Variants in RBFOX1 observed in about 807,000 individuals in gnomAD.
RBFOX1 encodes the protein RNA binding protein fox-1 homolog 1.
Under a neutral mutation model 57.7 loss-of-function variants are expected in RBFOX1, and 8 were observed. The ratio of observed to expected loss-of-function variants is 0.14; its 90% CI spans 0.08 to 0.25. RBFOX1 has a LOEUF of 0.25. RBFOX1 is among the 10% of genes least tolerant of loss of function. RBFOX1 has a pLI of 1.00. For synonymous variants in RBFOX1, 326 were observed against 222.4 expected (o/e 1.47, Z -4.15); for missense variants, 611 against 548.5 (o/e 1.11, Z -1.14).
chr16:7,049,002 T>C (rs1277625570), intron 3 of RBFOX1, among the ~76,000 whole-genome samples: 1 of 152,196 alleles, frequency 6.6e-6, no homozygotes, highest in Non-Finnish European at 1.5e-5. Flanking sequence ...CAGTAGTCTA[T>C]TCCTTAGTTC....
intron 1 of RBFOX1, among the ~76,000 whole-genome samples, chr16:5,394,943 A>G (rs766527162): frequency 3.9e-5 from 6 of 152,026 alleles, no homozygotes; most frequent in Non-Finnish European, 8.8e-5. Flanking sequence ...TCCAGCCGGC[A>G]TGATTCTCCT....
At chr16:6,523,581 G>A (rs1159144058) in intron 2 of RBFOX1, among the ~76,000 whole-genome samples, 1 of 152,150 alleles carries the variant, frequency 6.6e-6, no homozygotes, top group South Asian at 2.1e-4. Flanking sequence ...CTTTCAGTCT[G>A]TATTATGAGT....
chr16:5,905,091 G>A (rs1179712654), intron 4 of RBFOX1, among the ~76,000 whole-genome samples: 145 of 101,450 alleles, frequency 1.4e-3, no homozygotes, highest in African/African-American at 5.4e-3. Context: ...TTTTGAGACA[G>A]AGTTTTGCTC....
intron 14 of RBFOX1, among the ~76,000 whole-genome samples, chr16:7,693,647 C>T (rs1006551387): frequency 3.3e-5 from 5 of 152,010 alleles, no homozygotes; most frequent in Non-Finnish European, 7.4e-5. Context: ...GAAAATCTTA[C>T]AGTATAATCA....
chr16:6,887,389 A>G (rs1320267231), intron 3 of RBFOX1, among the ~76,000 whole-genome samples: 1 of 152,034 alleles, frequency 6.6e-6, no homozygotes, highest in Non-Finnish European at 1.5e-5. Context: ...GTTCATTGTG[A>G]TTTCAAGAAG....
chr16:6,199,761 A>T (rs1022485340), intron 1 of RBFOX1, among the ~76,000 whole-genome samples: 1 of 152,198 alleles, frequency 6.6e-6, no homozygotes, highest in African/African-American at 2.4e-5. Context: ...CTTTATAGAC[A>T]GGGGCTCACA....
At chr16:7,052,875 T>C (rs1201116854) in intron 4 of RBFOX1, among the ~76,000 whole-genome samples, 2 of 152,204 alleles carry the variant, frequency 1.3e-5, no homozygotes, top group Non-Finnish European at 2.9e-5. Flanking sequence ...GGTGTATTTT[T>C]CATGTCACTA....
chr16:7,611,958 A>G lies in RBFOX1; in HGVS notation c.676+4620A>G, dbSNP rs72774979. Among the ~76,000 whole-genome samples the G allele has an allele frequency of 5.1e-3, 777 of 152,318 alleles. 3 individuals are homozygous for G. Among genetic ancestry groups the G allele is most frequent in the South Asian group, 0.01 (49 of 4,818 alleles). On this transcript the variant is annotated intron_variant, in intron 10 of 15. Coordinates refer to ENST00000550418, the MANE Select transcript of RBFOX1 (RefSeq NM_018723.4). ...TCCCAGGAGAGATGGGTAGTTTTCT[A>G]TAAAGCAAAAACAGCATTGATAATT... is the stretch of plus-strand genomic sequence containing the variant.
chr16:6,730,401 G>T (rs565169859), intron 3 of RBFOX1, among the ~76,000 whole-genome samples: 237 of 152,040 alleles, frequency 1.6e-3, no homozygotes, highest in African/African-American at 5.4e-3. Context: ...TATCATCTGT[G>T]CATCTGTCAT....
chr16:6,449,969 A>G (rs541882973), intron 2 of RBFOX1, among the ~76,000 whole-genome samples: 3 of 152,364 alleles, frequency 2.0e-5, no homozygotes, highest in South Asian at 2.1e-4. Flanking sequence ...AGCTGTGTGC[A>G]TGGAGTGGAT....
At chr16:7,131,074 G>C (rs1226964537) in intron 4 of RBFOX1, among the ~76,000 whole-genome samples, 1 of 152,154 alleles carries the variant, frequency 6.6e-6, no homozygotes, top group Non-Finnish European at 1.5e-5. Flanking sequence ...GCCGGGCATG[G>C]TGGATCATGC....
At chr16:6,890,370 T>G (rs2065117221) in intron 3 of RBFOX1, among the ~76,000 whole-genome samples, 2 of 151,986 alleles carry the variant, frequency 1.3e-5, no homozygotes, top group African/African-American at 4.8e-5. Flanking sequence ...AATACGAAAA[T>G]TAGCTGGGCG....
At chr16:7,272,338 C>G (rs1036346728) in intron 4 of RBFOX1, among the ~76,000 whole-genome samples, 3 of 152,106 alleles carry the variant, frequency 2.0e-5, no homozygotes, top group African/African-American at 4.8e-5. Flanking sequence ...GCGCCCACCA[C>G]TACACCCAGC....
chr16:7,532,427 T>A (rs1238166229), intron 5 of RBFOX1, among the ~76,000 whole-genome samples: 1 of 152,114 alleles, frequency 6.6e-6, no homozygotes, highest in Non-Finnish European at 1.5e-5. Flanking sequence ...ATCATTGGAT[T>A]TGGGAATTTT....
At chr16:7,110,155 G>A (rs1338716882) in intron 4 of RBFOX1, among the ~76,000 whole-genome samples, 1 of 147,234 alleles carries the variant, frequency 6.8e-6, no homozygotes, top group East Asian at 2.0e-4. Context: ...TGTGAGACCA[G>A]CCTGGGCAAC....
chr16:6,128,071 C>G (rs56073605), intron 1 of RBFOX1, among the ~76,000 whole-genome samples: 49,600 of 151,980 alleles, frequency 0.33, 9,442 homozygotes, highest in Non-Finnish European at 0.44. Flanking sequence ...CTTCTGAATA[C>G]TTGAAATGTA....
intron 3 of RBFOX1, among the ~76,000 whole-genome samples, chr16:6,767,927 A>G (rs867570105): frequency 1.6e-3 from 133 of 85,264 alleles, no homozygotes; most frequent in African/African-American, 7.0e-3. Flanking sequence ...TAATAATAAT[A>G]ATAATAATAA....
At chr16:5,256,927 C>G (rs1448975730) in intron 1 of RBFOX1, among the ~76,000 whole-genome samples, 3 of 150,854 alleles carry the variant, frequency 2.0e-5, no homozygotes, top group Admixed American at 6.6e-5. Flanking sequence ...GAGTGAGGCT[C>G]TGTCTGAAAA....
At chr16:6,863,010 C>T (rs1246680915) in intron 3 of RBFOX1, among the ~76,000 whole-genome samples, 4 of 151,520 alleles carry the variant, frequency 2.6e-5, no homozygotes, top group Non-Finnish European at 4.4e-5. Flanking sequence ...AGACAGGCCG[C>T]AGCTGATTTT....
Sources: gnomAD v4.1 joint callset for allele counts (sites outside exome capture counted in the v4.1 genomes callset) on GRCh38, gnomAD v4.1.1 for gene constraint, MANE v1.5 for transcripts, NCBI Gene and HGNC (gene_info 2026-07-23, HGNC 2026-07-21) for gene names.